Variants in CFAP299 observed in about 807,000 individuals in gnomAD.
CFAP299 encodes the protein cilia and flagella associated protein 299.
A neutral mutation model predicts 27.0 loss-of-function variants in CFAP299; 21 were observed. That is an observed-to-expected ratio of 0.78 (90% CI 0.55 to 1.12). The LOEUF (loss-of-function observed/expected upper bound fraction) is 1.12. Among genes scored for constraint, CFAP299 ranks in the 50% most tolerant of loss-of-function variants. The pLI is 0.00. For synonymous variants in CFAP299, 104 were observed against 98.1 expected (o/e 1.06, Z -0.36); for missense variants, 310 against 276.6 (o/e 1.12, Z -0.86).
intron 3 of CFAP299, among the ~76,000 whole-genome samples, chr4:80,844,450 C>A (rs568195084): frequency 6.6e-6 from 1 of 152,318 alleles, no homozygotes; most frequent in Admixed American, 6.5e-5. Flanking sequence ...ACCATTCTAA[C>A]TGGTGTGAGA....
intron 3 of CFAP299, among the ~76,000 whole-genome samples, chr4:80,764,451 C>T (rs1560739593): frequency 6.6e-6 from 1 of 152,110 alleles, no homozygotes; most frequent in Non-Finnish European, 1.5e-5. Context: ...ACAATAGAAG[C>T]TGGCGAGGAT....
chr4:80,577,596 T>C (rs549388818), intron 2 of CFAP299, among the ~76,000 whole-genome samples: 32 of 151,924 alleles, frequency 2.1e-4, no homozygotes, highest in Non-Finnish European at 4.0e-4. Context: ...AGAGACAGGG[T>C]TTCAGCATGT....
chr4:80,727,070 G>T (rs1723206532), intron 3 of CFAP299, among the ~76,000 whole-genome samples: 1 of 152,016 alleles, frequency 6.6e-6, no homozygotes, highest in African/African-American at 2.4e-5. Flanking sequence ...GGGAGTCAGG[G>T]CAATGTCATG....
At chr4:80,904,377 C>T (rs1174095869) in intron 4 of CFAP299, among the ~76,000 whole-genome samples, 4 of 151,976 alleles carry the variant, frequency 2.6e-5, no homozygotes, top group Non-Finnish European at 1.5e-5. Context: ...AAATACCTAC[C>T]TCTCTCTCTC....
chr4:80,743,852 G>T (rs1724430052), intron 3 of CFAP299, among the ~76,000 whole-genome samples: 1 of 152,038 alleles, frequency 6.6e-6, no homozygotes, highest in South Asian at 2.1e-4. Context: ...GAAAGAAAAT[G>T]CATCTAAAGG....
intron 3 of CFAP299, among the ~76,000 whole-genome samples, chr4:80,833,908 A>G (rs923343594): frequency 6.6e-6 from 1 of 152,212 alleles, no homozygotes; most frequent in Non-Finnish European, 1.5e-5. Flanking sequence ...GGCCCAGAGT[A>G]AAGTAAGAAA....
chr4:80,865,239 A>G (rs1732653912), intron 3 of CFAP299, among the ~76,000 whole-genome samples: 1 of 152,230 alleles, frequency 6.6e-6, no homozygotes, highest in South Asian at 2.1e-4. Context: ...GCTTCTTAAT[A>G]AACGATAACA....
intron 4 of CFAP299, among the ~76,000 whole-genome samples, chr4:80,876,805 G>A (rs1733402755): frequency 1.3e-5 from 2 of 151,828 alleles, no homozygotes; most frequent in South Asian, 4.1e-4. Flanking sequence ...ATCCTTCCCA[G>A]GTCATATTTT....
intron 3 of CFAP299, among the ~76,000 whole-genome samples, chr4:80,727,069 G>A (rs1723206378): frequency 1.3e-5 from 2 of 151,918 alleles, no homozygotes; most frequent in African/African-American, 2.4e-5. Flanking sequence ...TGGGAGTCAG[G>A]GCAATGTCAT....
intron 3 of CFAP299, among the ~76,000 whole-genome samples, chr4:80,775,405 T>C (rs1175220757): frequency 6.6e-6 from 1 of 152,066 alleles, no homozygotes; most frequent in Non-Finnish European, 1.5e-5. Context: ...ACATAATGTA[T>C]ATTTAATTTA....
intron 2 of CFAP299, among the ~76,000 whole-genome samples, chr4:80,380,791 C>T (rs1304776108): frequency 6.6e-6 from 1 of 152,132 alleles, no homozygotes; most frequent in Non-Finnish European, 1.5e-5. Context: ...TAATCGTCTA[C>T]AATCTGTTGT....
chr4:80,414,665 T>TA (rs1405811434), intron 2 of CFAP299, among the ~76,000 whole-genome samples: 3 of 152,206 alleles, frequency 2.0e-5, no homozygotes, highest in Non-Finnish European at 4.4e-5. Flanking sequence ...CTGCTACGGC[T>TA]AAAGTATTGT....
chr4:80,593,719 ATTTC>A (rs1736905190), intron 3 of CFAP299, among the ~76,000 whole-genome samples: 1 of 151,876 alleles, frequency 6.6e-6, no homozygotes, highest in East Asian at 1.9e-4. Flanking sequence ...GATGTTTGTT[ATTTC>A]TTTTATTCTG....
intron 4 of CFAP299, among the ~76,000 whole-genome samples, chr4:80,874,965 A>C (rs1408567015): frequency 1.3e-5 from 2 of 152,232 alleles, no homozygotes; most frequent in Non-Finnish European, 2.9e-5. Context: ...TTAAAATAAT[A>C]ATGTGATAGA....
chr4:80,635,965 A>G (rs1192985997), intron 3 of CFAP299, among the ~76,000 whole-genome samples: 1 of 152,176 alleles, frequency 6.6e-6, no homozygotes, highest in Non-Finnish European at 1.5e-5. Context: ...ATTTTCTGCA[A>G]GAGACTTCAT....
intron 3 of CFAP299, among the ~76,000 whole-genome samples, chr4:80,741,956 C>A (rs551180684): frequency 4.7e-4 from 72 of 152,116 alleles, no homozygotes; most frequent in Middle Eastern, 3.2e-3. Context: ...CAGCTTTATT[C>A]TCTAGTATGA....
At chr4:80,929,196 G>A (rs1055441042) in intron 4 of CFAP299, among the ~76,000 whole-genome samples, 4 of 152,024 alleles carry the variant, frequency 2.6e-5, no homozygotes, top group Non-Finnish European at 4.4e-5. Context: ...TACCCATCCA[G>A]TATCTATGGC....
At chr4:80,564,836 A>G (rs1468703992) in intron 2 of CFAP299, among the ~76,000 whole-genome samples, 1 of 152,080 alleles carries the variant, frequency 6.6e-6, no homozygotes, top group Admixed American at 6.6e-5. Flanking sequence ...TCAACATACA[A>G]AAGTCAGCAA....
At chr4:80,541,496 A>G (rs1733994451) in intron 2 of CFAP299, among the ~76,000 whole-genome samples, 1 of 152,230 alleles carries the variant, frequency 6.6e-6, no homozygotes, top group South Asian at 2.1e-4. Context: ...CTCAGTGTAT[A>G]TCACAGATTT....
Sources: gnomAD v4.1 joint callset for allele counts (sites outside exome capture counted in the v4.1 genomes callset) on GRCh38, gnomAD v4.1.1 for gene constraint, MANE v1.5 for transcripts, NCBI Gene and HGNC (gene_info 2026-07-23, HGNC 2026-07-21) for gene names.